Variants in CHRM3 observed in about 807,000 individuals in gnomAD.
CHRM3 encodes the protein muscarinic acetylcholine receptor M3.
A neutral mutation model predicts 41.8 loss-of-function variants in CHRM3; 11 were observed. That is an observed-to-expected ratio of 0.26 (90% confidence interval 0.17 to 0.44). The LOEUF is 0.44. Among genes scored for constraint, CHRM3 ranks in the 20% least tolerant of loss-of-function variants. CHRM3 has a pLI of 1.00. For synonymous variants in CHRM3, 297 were observed against 301.4 expected (o/e 0.99, Z 0.15); for missense variants, 571 against 745.4 (o/e 0.77, Z 2.72).
chr1:239,536,555 C>A (rs1428091507), intron 2 of CHRM3, among the ~76,000 whole-genome samples: 1 of 152,150 alleles, frequency 6.6e-6, no homozygotes, highest in African/African-American at 2.4e-5. Flanking sequence ...ATTAGTAAAC[C>A]ATCATCCACT....
intron 4 of CHRM3, among the ~76,000 whole-genome samples, chr1:239,642,928 T>G (rs561689268): frequency 6.6e-6 from 1 of 152,352 alleles, no homozygotes; most frequent in Non-Finnish European, 1.5e-5. Flanking sequence ...GATGGTGATG[T>G]ACAGATGGGT....
At chr1:239,506,965 C>A (rs1668612666) in intron 2 of CHRM3, among the ~76,000 whole-genome samples, 4 of 152,126 alleles carry the variant, frequency 2.6e-5, no homozygotes, top group African/African-American at 9.7e-5. Context: ...TTTGTTTTGG[C>A]CAATTTCTCC....
intron 5 of CHRM3, among the ~76,000 whole-genome samples, chr1:239,767,333 A>T (rs1572227815): frequency 6.6e-6 from 1 of 152,194 alleles, no homozygotes; most frequent in African/African-American, 2.4e-5. Context: ...AGAAATTCCA[A>T]TTCTGAGTCC....
chr1:239,449,514 T>C (rs12086449), intron 1 of CHRM3, among the ~76,000 whole-genome samples: 49,140 of 151,912 alleles, frequency 0.32, 8,028 homozygotes, highest in Middle Eastern at 0.43. Context: ...ATTTAGAAAA[T>C]GATTTTTTAT....
chr1:239,803,819 G>A (rs952231475), intron 5 of CHRM3, among the ~76,000 whole-genome samples: 1 of 152,200 alleles, frequency 6.6e-6, no homozygotes, highest in African/African-American at 2.4e-5. Flanking sequence ...ACCAAGTGAA[G>A]CAGAATAGTG....
chr1:239,792,563 G>C (rs1669438144), intron 5 of CHRM3, among the ~76,000 whole-genome samples: 1 of 152,194 alleles, frequency 6.6e-6, no homozygotes, highest in Non-Finnish European at 1.5e-5. Flanking sequence ...AAATCATTTT[G>C]AGAGTTCTTT....
chr1:239,552,372 CAT>C (rs199845706), intron 3 of CHRM3, among the ~76,000 whole-genome samples: 4,321 of 144,698 alleles, frequency 0.03, 81 homozygotes, highest in Middle Eastern at 0.06. Context: ...TGATATGTAT[CAT>C]ATATATGTAT....
At chr1:239,893,547 A>C (rs1333288165) in intron 6 of CHRM3, among the ~76,000 whole-genome samples, 1 of 152,162 alleles carries the variant, frequency 6.6e-6, no homozygotes, top group African/African-American at 2.4e-5. Context: ...AGTGGAAATC[A>C]TAACAGTCCC....
At chr1:239,465,356 T>C (rs906999635) in intron 1 of CHRM3, among the ~76,000 whole-genome samples, 1 of 152,222 alleles carries the variant, frequency 6.6e-6, no homozygotes, top group Non-Finnish European at 1.5e-5. Context: ...TTAATCTTTT[T>C]GGCTACAACA....
chr1:239,714,552 G>A (rs1662146198), intron 5 of CHRM3, among the ~76,000 whole-genome samples: 1 of 152,188 alleles, frequency 6.6e-6, no homozygotes, highest in Non-Finnish European at 1.5e-5. Flanking sequence ...CACAGGCACA[G>A]GACGGGGAGG....
chr1:239,742,994 T>C (rs2148511150), intron 5 of CHRM3, among the ~76,000 whole-genome samples: 1 of 152,324 alleles, frequency 6.6e-6, no homozygotes, highest in Non-Finnish European at 1.5e-5. Flanking sequence ...AGGGGAATCA[T>C]GTCAGAATAT....
chr1:239,717,891 A>G (rs1427938656), intron 5 of CHRM3, among the ~76,000 whole-genome samples: 3 of 152,046 alleles, frequency 2.0e-5, no homozygotes, highest in African/African-American at 7.2e-5. Context: ...ATTTTATGCC[A>G]TGTCAGTTTA....
intron 5 of CHRM3, among the ~76,000 whole-genome samples, chr1:239,692,093 T>G (rs1659773984): frequency 1.3e-5 from 2 of 152,196 alleles, no homozygotes; most frequent in African/African-American, 4.8e-5. Context: ...GTCTTGCTCT[T>G]AGGCATCTTG....
At chr1:239,854,118 A>G (rs1674915151) in intron 6 of CHRM3, among the ~76,000 whole-genome samples, 1 of 152,098 alleles carries the variant, frequency 6.6e-6, no homozygotes, top group Non-Finnish European at 1.5e-5. Context: ...CTATTTCAGT[A>G]AATTCATTGT....
At chr1:239,836,973 T>TAAAA (rs5782104) in intron 6 of CHRM3, among the ~76,000 whole-genome samples, 65 of 135,448 alleles carry the variant, frequency 4.8e-4, no homozygotes, top group South Asian at 2.6e-3. Context: ...GACTCTGTCT[T>TAAAA]AAAAAAAAAA....
chr1:239,644,030 A>G (rs1671501799), intron 4 of CHRM3, among the ~76,000 whole-genome samples: 1 of 152,226 alleles, frequency 6.6e-6, no homozygotes, highest in Non-Finnish European at 1.5e-5. Flanking sequence ...AATTATGTTT[A>G]AAGATTCTAA....
chr1:239,744,080 G>A (rs958643688), intron 5 of CHRM3, among the ~76,000 whole-genome samples: 2 of 151,408 alleles, frequency 1.3e-5, no homozygotes, highest in African/African-American at 4.9e-5. Context: ...AAAGCATTGG[G>A]ATTATAGGTA....
intron 3 of CHRM3, among the ~76,000 whole-genome samples, chr1:239,615,192 C>T (rs574441669): frequency 3.9e-5 from 6 of 152,202 alleles, no homozygotes; most frequent in Non-Finnish European, 8.8e-5. Context: ...TTTCTATGTC[C>T]CAGACATTTG....
intron 4 of CHRM3, among the ~76,000 whole-genome samples, chr1:239,654,474 C>G (rs992639473): frequency 6.6e-6 from 1 of 152,214 alleles, no homozygotes; most frequent in African/African-American, 2.4e-5. Context: ...TCTCAGCTCA[C>G]TGCAAACTTC....
Sources: allele counts gnomAD v4.1 joint callset (sites outside exome capture counted in the v4.1 genomes callset), GRCh38; gene constraint gnomAD v4.1.1; transcripts MANE v1.5; gene names NCBI Gene and HGNC (gene_info 2026-07-23, HGNC 2026-07-21).